Variants in MAPK4 observed in about 807,000 individuals in gnomAD.
MAPK4 encodes mitogen-activated protein kinase 4, also known as Erk3-related.
MAPK4 carries 22 observed loss-of-function variants against 47.7 expected under a neutral mutation model. The observed-to-expected ratio is 0.46, with a 90% CI of 0.33 to 0.66. The LOEUF (loss-of-function observed/expected upper bound fraction) is 0.66. Ranked by LOEUF, MAPK4 falls within the 30% of genes least tolerant of loss-of-function variation. The pLI is 0.02. For synonymous variants in MAPK4, 390 were observed against 365.7 expected, an observed-to-expected ratio of 1.07 and a Z score of -0.76; for missense variants, 736 against 831.7, an observed-to-expected ratio of 0.88 and a Z score of 1.42.
chr18:50,639,748 G>A (rs16952279), intron 1 of MAPK4, among the ~76,000 whole-genome samples: 2,299 of 152,268 alleles, frequency 0.015, 54 homozygotes, highest in African/African-American at 0.047. Flanking sequence ...ATCAGGTGAC[G>A]TATCATAATT....
chr18:50,712,497 T>C (rs567706176), intron 2 of MAPK4, among the ~76,000 whole-genome samples: 2 of 148,218 alleles, frequency 1.3e-5, no homozygotes, highest in African/African-American at 5.0e-5. Context: ...CAAGTAACCA[T>C]AGGAAGATAG....
At chr18:50,684,545 CAA>C (rs760833296) in intron 2 of MAPK4, among the ~76,000 whole-genome samples, 19 of 132,774 alleles carry the variant, frequency 1.4e-4, no homozygotes, top group Non-Finnish European at 1.3e-4. Flanking sequence ...GCCCCTGACT[CAA>C]AAAAAAAAAA....
At chr18:50,592,094 G>C (rs1238868263) in intron 1 of MAPK4, among the ~76,000 whole-genome samples, 1 of 152,196 alleles carries the variant, frequency 6.6e-6, no homozygotes, top group Non-Finnish European at 1.5e-5. Context: ...AAGGCAATTA[G>C]AGACTGGGAA....
At chr18:50,669,283 T>G (rs1465400553) in intron 2 of MAPK4, 2 of 152,176 alleles carry the variant, frequency 1.3e-5, no homozygotes, top group East Asian at 3.8e-4. Context: ...ATTTATCCCA[T>G]TAGGAAGCAG....
intron 2 of MAPK4, among the ~76,000 whole-genome samples, chr18:50,714,712 AGCAGT>A (rs1910547446): frequency 6.6e-6 from 1 of 152,254 alleles, no homozygotes; most frequent in Non-Finnish European, 1.5e-5. Context: ...CTCTGTTGCT[AGCAGT>A]AATGAACTTG....
chr18:50,572,207 C>T lies in MAPK4; in HGVS notation c.-871+11964C>T, dbSNP rs1235527335. Among the ~76,000 whole-genome samples the T allele has an allele frequency of 2.0e-5, 3 of 152,108 alleles. No homozygotes were observed. In the East Asian group the frequency reaches 5.8e-4, roughly 29 times the overall value. Reference sequence around the variant, plus strand: ...TGTAATAAAGCCAGTGAAATATGCTCCATCAAAATGACACAGAGAAGAACG... The same window carrying T: ...TGTAATAAAGCCAGTGAAATATGCTTCATCAAAATGACACAGAGAAGAACG... On this transcript the variant is annotated intron_variant, in intron 1 of 5. Transcript: ENST00000400384.
chr18:50,699,596 G>T (rs994091899), intron 2 of MAPK4, among the ~76,000 whole-genome samples: 1 of 152,118 alleles, frequency 6.6e-6, no homozygotes, highest in Non-Finnish European at 1.5e-5. Flanking sequence ...ATGATATTTG[G>T]CAATTTGTCA....
chr18:50,707,714 AT>A (rs1477174642), intron 2 of MAPK4, among the ~76,000 whole-genome samples: 3 of 152,206 alleles, frequency 2.0e-5, no homozygotes, highest in Admixed American at 2.0e-4. Flanking sequence ...TTACAATTAA[AT>A]TTTTTATGGC....
At chr18:50,560,621 C>T (rs2042144757) in intron 1 of MAPK4, 1 of 152,666 alleles carries the variant, frequency 6.6e-6, no homozygotes, top group Non-Finnish European at 1.5e-5. Context: ...CTTGGGGTCG[C>T]CGAGGGGCAG....
intron 1 of MAPK4, among the ~76,000 whole-genome samples, chr18:50,606,039 G>A (rs2042580532): frequency 6.6e-6 from 1 of 150,702 alleles, no homozygotes; most frequent in East Asian, 2.0e-4. Context: ...CATTTCTCAT[G>A]GAGTCAAAGA....
chr18:50,575,661 G>T (rs182739306), intron 1 of MAPK4, among the ~76,000 whole-genome samples: 25 of 152,020 alleles, frequency 1.6e-4, no homozygotes, highest in Non-Finnish European at 2.2e-4. Flanking sequence ...AAAGAGCTCT[G>T]CACAGCAAAA....
At chr18:50,567,853 T>A (rs2042213825) in intron 1 of MAPK4, among the ~76,000 whole-genome samples, 2 of 152,002 alleles carry the variant, frequency 1.3e-5, no homozygotes, top group South Asian at 4.2e-4. Context: ...CTGTCATTTG[T>A]CAAAAGGAAA....
At chr18:50,601,171 T>TA (rs1485383217) in intron 1 of MAPK4, among the ~76,000 whole-genome samples, 10 of 150,824 alleles carry the variant, frequency 6.6e-5, no homozygotes, top group Admixed American at 6.6e-4. Flanking sequence ...TTCCTATTTT[T>TA]AAAAATACAA....
chr18:50,642,118 A>C (rs1411413826), intron 1 of MAPK4, among the ~76,000 whole-genome samples: 1 of 152,258 alleles, frequency 6.6e-6, no homozygotes, highest in Non-Finnish European at 1.5e-5. Flanking sequence ...AAATAAGTCA[A>C]TGATAACCAC....
chr18:50,701,890 T>C (rs1909804581), intron 2 of MAPK4, among the ~76,000 whole-genome samples: 1 of 152,090 alleles, frequency 6.6e-6, no homozygotes, highest in Non-Finnish European at 1.5e-5. Flanking sequence ...GCATGGTGGC[T>C]CATGCCTGTA....
intron 5 of MAPK4, among the ~76,000 whole-genome samples, chr18:50,727,288 G>A (rs960307454): frequency 3.3e-5 from 5 of 152,184 alleles, no homozygotes; most frequent in African/African-American, 1.2e-4. Flanking sequence ...GACTCCGAGG[G>A]GGCCTAACTG....
rs116709806 is a variant in MAPK4 at position 50,694,867 on chromosome 18, G to C, written c.547-20212G>C. On this transcript the variant is annotated intron_variant, in intron 2 of 5. Coordinates refer to ENST00000400384, the MANE Select transcript of MAPK4 (RefSeq NM_002747.4). ...ATCACCACTGTCACCATTGACAGAT[G>C]CTTACTGACTGTGAAAAGTCTGTGC... is the stretch of plus-strand genomic sequence containing the variant. Among the ~76,000 whole-genome samples the C allele has an allele frequency of 5.4e-3, 816 of 152,330 alleles. 5 individuals are homozygous for C. The highest frequency in any genetic ancestry group is 0.018 in the African/African-American group (755 of 41,568).
intron 1 of MAPK4, among the ~76,000 whole-genome samples, chr18:50,587,792 G>A (rs776438006): frequency 8.5e-5 from 13 of 152,126 alleles, no homozygotes; most frequent in South Asian, 2.1e-4. Flanking sequence ...GCAGTGGCGC[G>A]ATCTCGGCTC....
In MAPK4 at chr18:50,573,532, G is replaced by T. The variant is rs560415475; in HGVS notation, c.-871+13289G>T. On this transcript the variant is annotated intron_variant, in intron 1 of 5. Transcript: ENST00000400384. The stretch of plus-strand genomic sequence containing the variant: ...ATGAGAATCTAATGTCTGATGATCT[G>T]TCACTGTCTCCCATCACCCCCAGAT... 8.5e-5 allele frequency among the ~76,000 whole-genome samples: 13 copies of T among 152,292 alleles called. No homozygotes were observed. In the South Asian group the frequency reaches 2.5e-3, roughly 29 times the overall value.
Sources: allele counts gnomAD v4.1 joint callset (sites outside exome capture counted in the v4.1 genomes callset), GRCh38; gene constraint gnomAD v4.1.1; transcripts MANE v1.5; gene names NCBI Gene and HGNC (gene_info 2026-07-23, HGNC 2026-07-21).